The following OPCML variants were observed in gnomAD, a reference collection of about 807,000 sequenced individuals.
OPCML encodes opioid-binding protein/cell adhesion molecule.
OPCML carries 13 observed loss-of-function variants against 37.8 expected under a neutral mutation model. That is an observed-to-expected ratio of 0.34 (90% CI 0.22 to 0.55). The LOEUF (loss-of-function observed/expected upper bound fraction) is 0.55, where lower values mean the gene tolerates loss of function less well. Among genes scored for constraint, OPCML ranks in the 20% least tolerant of loss-of-function variants. OPCML has a pLI of 0.91. For synonymous variants in OPCML, 176 were observed against 168.8 expected (o/e 1.04, Z -0.33); for missense variants, 341 against 435.6 (o/e 0.78, Z 1.93).
At chr11:133,093,359 G>A (rs927897642) in intron 1 of OPCML, among the ~76,000 whole-genome samples, 8 of 151,830 alleles carry the variant, frequency 5.3e-5, no homozygotes, top group African/African-American at 1.2e-4. Context: ...TTGCTACATA[G>A]GTATACATGT....
chr11:132,797,761 C>A (rs891794692), intron 2 of OPCML, among the ~76,000 whole-genome samples: 5 of 152,088 alleles, frequency 3.3e-5, no homozygotes, highest in Admixed American at 6.6e-5. Context: ...TAAAAATATT[C>A]TATTGTTAAA....
intron 1 of OPCML, among the ~76,000 whole-genome samples, chr11:133,354,080 C>T (rs1565588425): frequency 6.6e-6 from 1 of 151,560 alleles, no homozygotes; most frequent in Non-Finnish European, 1.5e-5. Flanking sequence ...ATTTTTAAGT[C>T]TATCTGTGCT....
chr11:133,235,533 A>G (rs1940474876), intron 1 of OPCML, among the ~76,000 whole-genome samples: 1 of 152,232 alleles, frequency 6.6e-6, no homozygotes, highest in South Asian at 2.1e-4. Context: ...AAAACGAGGA[A>G]TGCTTGTGTC....
chr11:133,102,245 C>T (rs1949094057), intron 1 of OPCML, among the ~76,000 whole-genome samples: 1 of 152,162 alleles, frequency 6.6e-6, no homozygotes, highest in Non-Finnish European at 1.5e-5. Flanking sequence ...ATGAAATCTA[C>T]CACTGTAGTG....
At chr11:133,436,364 C>T (rs192636737) in intron 1 of OPCML, among the ~76,000 whole-genome samples, 6 of 152,200 alleles carry the variant, frequency 3.9e-5, no homozygotes, top group East Asian at 1.9e-4. Context: ...GGTAAGGAAC[C>T]GGGTGGCCAT....
At chr11:132,823,709 C>T (rs1249901278) in intron 2 of OPCML, among the ~76,000 whole-genome samples, 2 of 152,138 alleles carry the variant, frequency 1.3e-5, no homozygotes, top group African/African-American at 2.4e-5. Flanking sequence ...TCTATATATG[C>T]TTTGTCTCCA....
At chr11:132,834,322 G>A (rs1353025702) in intron 2 of OPCML, among the ~76,000 whole-genome samples, 1 of 152,072 alleles carries the variant, frequency 6.6e-6, no homozygotes, top group Non-Finnish European at 1.5e-5. Context: ...AACAGACTTG[G>A]GAGAACTCCC....
intron 2 of OPCML, among the ~76,000 whole-genome samples, chr11:132,770,231 C>A (rs1443788104): frequency 1.3e-5 from 2 of 152,172 alleles, no homozygotes. Flanking sequence ...ACCAAACAGA[C>A]ACGAATTCCT....
chr11:133,151,212 G>T (rs191554678), intron 1 of OPCML, among the ~76,000 whole-genome samples: 1 of 152,098 alleles, frequency 6.6e-6, no homozygotes, highest in Non-Finnish European at 1.5e-5. Flanking sequence ...GGCGGAAGTT[G>T]CAGTGAGCTG....
intron 3 of OPCML, among the ~76,000 whole-genome samples, chr11:132,569,414 T>G (rs1046092121): frequency 6.6e-6 from 1 of 152,186 alleles, no homozygotes; most frequent in East Asian, 1.9e-4. Context: ...TAAATGTTTG[T>G]TGTTTAAGCT....
intron 3 of OPCML, among the ~76,000 whole-genome samples, chr11:132,613,558 C>G (rs11223146): frequency 6.6e-6 from 1 of 151,958 alleles, no homozygotes; most frequent in Admixed American, 6.6e-5. Flanking sequence ...CAAAGAAAAC[C>G]GAGGAAATAG....
chr11:133,003,861 C>A, intron 1 of OPCML: 1 of 985,410 alleles, frequency 1.0e-6, no homozygotes, highest in Non-Finnish European at 1.2e-6. Context: ...TGCCATCCAC[C>A]GTGTGCCCTC....
At chr11:132,941,445 A>T (rs780975943) in intron 2 of OPCML, among the ~76,000 whole-genome samples, 1 of 152,168 alleles carries the variant, frequency 6.6e-6, no homozygotes, top group Non-Finnish European at 1.5e-5. Context: ...CACTGGTAAT[A>T]TTTACTGACA....
intron 2 of OPCML, among the ~76,000 whole-genome samples, chr11:132,792,669 G>C (rs2853049): frequency 0.11 from 16,854 of 152,150 alleles, 1,013 homozygotes; most frequent in Non-Finnish European, 0.13. Context: ...GGGCGGAGAG[G>C]GGGTGGCGGA....
chr11:132,952,480 T>C (rs1945882152), intron 1 of OPCML, among the ~76,000 whole-genome samples: 1 of 152,176 alleles, frequency 6.6e-6, no homozygotes, highest in Non-Finnish European at 1.5e-5. Flanking sequence ...TTTGCACACT[T>C]CCAAAACTTA....
intron 1 of OPCML, among the ~76,000 whole-genome samples, chr11:133,052,830 G>A (rs1414486744): frequency 6.6e-6 from 1 of 152,178 alleles, no homozygotes; most frequent in African/African-American, 2.4e-5. Flanking sequence ...CAAGACTGAG[G>A]GCAACAGAGT....
chr11:132,936,661 G>A (rs143695949), intron 2 of OPCML, among the ~76,000 whole-genome samples: 121 of 152,174 alleles, frequency 8.0e-4, no homozygotes, highest in Non-Finnish European at 1.5e-3. Context: ...GCCATACACA[G>A]ATCTAGGCTA....
Position 132,731,997 on chromosome 11 carries a change from A to T in OPCML, c.147-74678T>A, listed in dbSNP as rs533386337. 2.0e-5 allele frequency among the ~76,000 whole-genome samples: 3 copies of T among 152,288 alleles called. No homozygotes were observed. The East Asian group carries it at 5.8e-4, about 29-fold the overall frequency. ...AGAGAATGGATTTGAGTTTGCTGAC[A>T]GCATGAGGAATTATGCATGGATTTA... On this transcript the variant is annotated intron_variant, in intron 2 of 7. Coordinates refer to ENST00000524381, the MANE Select transcript of OPCML (RefSeq NM_001012393.5).
intron 1 of OPCML, among the ~76,000 whole-genome samples, chr11:133,142,690 A>G (rs951597155): frequency 2.0e-5 from 3 of 152,276 alleles, no homozygotes; most frequent in Middle Eastern, 3.4e-3. Context: ...TTCCACTGAC[A>G]CACTGAATGG....
Sources: allele counts gnomAD v4.1 joint callset (sites outside exome capture counted in the v4.1 genomes callset), GRCh38; gene constraint gnomAD v4.1.1; transcripts MANE v1.5; gene names NCBI Gene and HGNC (gene_info 2026-07-23, HGNC 2026-07-21).